The following PPIG variants were observed in gnomAD, a reference collection of about 807,000 sequenced individuals.
The protein encoded by PPIG is peptidylprolyl isomerase G.
Under a neutral mutation model 87.9 loss-of-function variants are expected in PPIG, and 26 were observed. The ratio of observed to expected loss-of-function variants is 0.30; its 90% CI spans 0.22 to 0.41. The LOEUF (loss-of-function observed/expected upper bound fraction) is 0.41. Ranked by LOEUF, PPIG falls within the 10% of genes least tolerant of loss-of-function variation. The pLI is 1.00. For missense variants in PPIG, 722 were observed against 879.4 expected (o/e 0.82, Z 2.26); for synonymous variants, 308 against 276.5 (o/e 1.11, Z -1.13).
chr2:169,607,192 TTTA>T lies in PPIG; in HGVS notation c.289+47_289+49del, dbSNP rs775523757. 13 of 1,157,110 alleles carry T rather than the reference TTTA, an allele frequency of 1.1e-5. No homozygotes were observed. In the African/African-American group the frequency reaches 1.5e-4, roughly 14 times the overall value. 71.7% of individuals were successfully genotyped at this position (1,157,110 alleles called of 1,614,324 possible). ...ATATTATGTTTTAAATATTTTGTCTTTTATTCTATTTTATTCTCTATGGAATCA... is the reference window on the plus strand; with the variant it reads ...ATATTATGTTTTAAATATTTTGTCTTTTCTATTTTATTCTCTATGGAATCA... On this transcript the variant is annotated intron_variant, in intron 6 of 13. Coordinates refer to ENST00000260970, the MANE Select transcript of PPIG (RefSeq NM_004792.3).
chr2:169,610,026 C>G (rs1362140903), intron 7 of PPIG, among the ~76,000 whole-genome samples: 1 of 152,112 alleles, frequency 6.6e-6, no homozygotes, highest in African/African-American at 2.4e-5. Context: ...AAATTATGAC[C>G]AGGCCTGTTG....
intron 1 of PPIG, among the ~76,000 whole-genome samples, chr2:169,593,092 C>G (rs1316984692): frequency 6.6e-6 from 1 of 151,794 alleles, no homozygotes; most frequent in Non-Finnish European, 1.5e-5. Flanking sequence ...GCCATTTCCA[C>G]ACATGTACAT....
intron 1 of PPIG, among the ~76,000 whole-genome samples, chr2:169,585,142 G>A (rs894847561): frequency 6.6e-6 from 1 of 152,170 alleles, no homozygotes; most frequent in South Asian, 2.1e-4. Context: ...AAGTTCCCCC[G>A]TGTTTCGGAG....
chr2:169,597,563 A>G (rs577731841), intron 1 of PPIG, among the ~76,000 whole-genome samples: 35 of 150,078 alleles, frequency 2.3e-4, no homozygotes, highest in Non-Finnish European at 4.6e-4. Context: ...CACTGGTGCA[A>G]TTTTGGCTCA....
chr2:169,587,021 C>T lies in PPIG; in HGVS notation c.-70+2531C>T, dbSNP rs571161717. ...TGATCTCAGCTCACTGCAACCTCCA[C>T]CTCCTGAGCTCAAGGGATTCTCACG... On this transcript the variant is annotated intron_variant, in intron 1 of 13. Transcript: ENST00000260970. 4.6e-5 allele frequency among the ~76,000 whole-genome samples: 7 copies of T among 152,258 alleles called. No homozygotes were observed. The South Asian group carries it at 1.2e-3, about 27-fold the overall frequency.
At chr2:169,614,949 G>T (rs2105500656) in intron 9 of PPIG, among the ~76,000 whole-genome samples, 1 of 152,166 alleles carries the variant, frequency 6.6e-6, no homozygotes, top group East Asian at 1.9e-4. Context: ...TTGTGGAATG[G>T]CTAAATTGAG....
intron 9 of PPIG, among the ~76,000 whole-genome samples, chr2:169,630,081 C>T (rs73025328): frequency 4.5e-4 from 68 of 151,588 alleles, no homozygotes; most frequent in African/African-American, 1.6e-3. Flanking sequence ...TCTTCTAATT[C>T]TTGTTATGTT....
chr2:169,631,429 G>T (rs1686049013), intron 10 of PPIG: 2 of 413,910 alleles, frequency 4.8e-6, no homozygotes, highest in South Asian at 3.9e-5. Flanking sequence ...GTCTTCATCT[G>T]CCTATGGCTC....
chr2:169,624,286 A>C (rs992647788), intron 9 of PPIG, among the ~76,000 whole-genome samples: 1 of 152,156 alleles, frequency 6.6e-6, no homozygotes, highest in African/African-American at 2.4e-5. Context: ...ATATTATACT[A>C]GTAAGTTAAA....
intron 1 of PPIG, 196 bp downstream of exon 1, chr2:169,584,686 G>A: frequency 3.0e-6 from 1 of 338,698 alleles, no homozygotes; most frequent in South Asian, 2.2e-5. Flanking sequence ...CTTTGCCGCT[G>A]TTGCAGAAGG....
intron 7 of PPIG, among the ~76,000 whole-genome samples, chr2:169,612,545 G>A (rs1266842985): frequency 6.6e-6 from 1 of 151,912 alleles, no homozygotes; most frequent in East Asian, 1.9e-4. Flanking sequence ...CACCACGCCT[G>A]GCTAATTTTT....
intron 2 of PPIG, 76 bp from the exon 3 acceptor site, chr2:169,603,950 G>C: frequency 1.8e-6 from 2 of 1,137,758 alleles, no homozygotes; most frequent in South Asian, 2.7e-5. Flanking sequence ...TTGTTTCACA[G>C]AATTTTTTTT....
At chr2:169,606,250 T>G in intron 5 of PPIG, 104 bp downstream of exon 5, 1 of 815,958 alleles carries the variant, frequency 1.2e-6, no homozygotes. Flanking sequence ...TCACTCTCAC[T>G]CCATTTAATC....
intron 1 of PPIG, among the ~76,000 whole-genome samples, chr2:169,587,295 G>A (rs1559171890): frequency 6.6e-6 from 1 of 150,996 alleles, no homozygotes; most frequent in Non-Finnish European, 1.5e-5. Context: ...ATACTGGAGT[G>A]CAGTGGCGTG....
At chr2:169,602,040 A>G (rs528089241) in intron 1 of PPIG, among the ~76,000 whole-genome samples, 1 of 152,314 alleles carries the variant, frequency 6.6e-6, no homozygotes, top group South Asian at 2.1e-4. Flanking sequence ...ACAATTGAAA[A>G]TTTCACACAT....
intron 12 of PPIG, among the ~76,000 whole-genome samples, chr2:169,635,513 C>T (rs1016036522): frequency 6.6e-6 from 1 of 152,134 alleles, no homozygotes; most frequent in Non-Finnish European, 1.5e-5. Flanking sequence ...CACATGCTCT[C>T]CAAGTCCTGT....
intron 9 of PPIG, among the ~76,000 whole-genome samples, chr2:169,618,602 A>C (rs1336668524): frequency 1.3e-5 from 2 of 152,128 alleles, no homozygotes; most frequent in African/African-American, 4.8e-5. Context: ...GTGTCTAGGA[A>C]TTTATCCATT....
chr2:169,585,940 G>A (rs562006213), intron 1 of PPIG, among the ~76,000 whole-genome samples: 5 of 152,078 alleles, frequency 3.3e-5, no homozygotes, highest in South Asian at 4.1e-4. Flanking sequence ...TAACAATGAC[G>A]GGTGGGGGGG....
At chr2:169,587,673 C>T (rs1684741225) in intron 1 of PPIG, among the ~76,000 whole-genome samples, 1 of 152,088 alleles carries the variant, frequency 6.6e-6, no homozygotes, top group South Asian at 2.1e-4. Context: ...AAACTTGCAT[C>T]CTGAAATTTA....
Sources: allele counts gnomAD v4.1 joint callset (sites outside exome capture counted in the v4.1 genomes callset), GRCh38; gene constraint gnomAD v4.1.1; transcripts MANE v1.5; gene names NCBI Gene and HGNC (gene_info 2026-07-23, HGNC 2026-07-21).